CNTN4: variants seen among roughly 807,000 people sequenced by gnomAD.
The protein encoded by CNTN4 is contactin 4.
CNTN4 carries 77 observed loss-of-function variants against 122.5 expected under a neutral mutation model. That is an observed-to-expected ratio of 0.63 (90% CI 0.52 to 0.76). CNTN4 has a LOEUF of 0.76. Among genes scored for constraint, CNTN4 ranks in the 30% least tolerant of loss-of-function variants. CNTN4 has a pLI of 0.00. For missense variants in CNTN4, 1,256 were observed against 1,259.1 expected, an observed-to-expected ratio of 1.00 and a Z score of 0.04; for synonymous variants, 512 against 447.0, an observed-to-expected ratio of 1.15 and a Z score of -1.83.
intron 14 of CNTN4, among the ~76,000 whole-genome samples, chr3:3,005,697 C>T (rs185315018): frequency 4.6e-5 from 7 of 151,372 alleles, no homozygotes; most frequent in East Asian, 3.9e-4. Context: ...GAGAACTAGC[C>T]GGCTTTCTTT....
chr3:2,672,604 G>A (rs1390556232), intron 4 of CNTN4, among the ~76,000 whole-genome samples: 1 of 152,158 alleles, frequency 6.6e-6, no homozygotes, highest in African/African-American at 2.4e-5. Flanking sequence ...CACACTTGGT[G>A]CGCTGCACGT....
intron 13 of CNTN4, among the ~76,000 whole-genome samples, chr3:2,980,758 C>T (rs1176162407): frequency 2.0e-5 from 3 of 152,124 alleles, no homozygotes; most frequent in Admixed American, 6.5e-5. Context: ...ATGGGACTTC[C>T]GGCTTGTGTT....
chr3:2,684,568 T>C (rs1576451419), intron 4 of CNTN4, among the ~76,000 whole-genome samples: 1 of 152,142 alleles, frequency 6.6e-6, no homozygotes, highest in East Asian at 1.9e-4. Context: ...GATCTCGGCA[T>C]AAATCCTGGG....
intron 4 of CNTN4, among the ~76,000 whole-genome samples, chr3:2,723,716 A>G (rs1019056244): frequency 1.3e-5 from 2 of 152,214 alleles, no homozygotes; most frequent in African/African-American, 4.8e-5. Flanking sequence ...GTTTCAACAT[A>G]AATTTTGAAG....
At chr3:2,860,909 A>G (rs1032409453) in intron 7 of CNTN4, among the ~76,000 whole-genome samples, 1 of 152,142 alleles carries the variant, frequency 6.6e-6, no homozygotes, top group African/African-American at 2.4e-5. Context: ...AGTGCTATTT[A>G]ATTCTTGCAG....
chr3:2,127,356 T>C (rs1454119205), intron 2 of CNTN4, among the ~76,000 whole-genome samples: 1 of 152,158 alleles, frequency 6.6e-6, no homozygotes, highest in Non-Finnish European at 1.5e-5. Flanking sequence ...TCCTCCCTTT[T>C]ATTCAATTTT....
At position 2,746,775 on chromosome 3, in the gene CNTN4, C is replaced by T. The variant is rs138429188; in HGVS notation, c.358+1078C>T. 5.0e-3 allele frequency among the ~76,000 whole-genome samples: 754 copies of T among 152,226 alleles called. 8 individuals are homozygous for T. The highest frequency in any genetic ancestry group is 0.017 in the African/African-American group (709 of 41,546). The stretch of plus-strand genomic sequence containing the variant: ...GAATTTTCTAAGTATTATGTATATG[C>T]GAGATTCCAGGATTATTCTGTTAGT... On this transcript the variant is annotated intron_variant, in intron 6 of 24. Transcript: ENST00000418658.
At chr3:2,347,443 G>A (rs920519427) in intron 3 of CNTN4, among the ~76,000 whole-genome samples, 11 of 109,988 alleles carry the variant, frequency 1.0e-4, no homozygotes, top group African/African-American at 3.5e-4. Context: ...ACATAATCTC[G>A]CTGTCGCCCA....
intron 3 of CNTN4, among the ~76,000 whole-genome samples, chr3:2,519,998 T>C (rs1278946083): frequency 6.6e-6 from 1 of 152,044 alleles, no homozygotes; most frequent in Non-Finnish European, 1.5e-5. Context: ...CTACAAGGCT[T>C]TTTTTAAACC....
At chr3:2,109,149 C>G (rs993191943) in intron 2 of CNTN4, among the ~76,000 whole-genome samples, 1 of 152,148 alleles carries the variant, frequency 6.6e-6, no homozygotes, top group African/African-American at 2.4e-5. Context: ...TTAAACCAGA[C>G]TTCACAAATT....
intron 4 of CNTN4, among the ~76,000 whole-genome samples, chr3:2,607,889 A>G (rs556701213): frequency 6.6e-5 from 10 of 152,322 alleles, no homozygotes; most frequent in African/African-American, 2.2e-4. Context: ...TTAAAATATC[A>G]TATAATAAAA....
chr3:2,232,734 C>G (rs1373501964), intron 2 of CNTN4, among the ~76,000 whole-genome samples: 1 of 152,066 alleles, frequency 6.6e-6, no homozygotes, highest in Non-Finnish European at 1.5e-5. Context: ...TAGACGAAAA[C>G]ATTGAGTGAA....
At chr3:2,510,873 A>C (rs1409871200) in intron 3 of CNTN4, among the ~76,000 whole-genome samples, 1 of 152,088 alleles carries the variant, frequency 6.6e-6, no homozygotes, top group Non-Finnish European at 1.5e-5. Context: ...AATGGAATCC[A>C]TATCACCAGT....
chr3:2,217,326 T>G (rs1019805635), intron 2 of CNTN4, among the ~76,000 whole-genome samples: 1 of 152,182 alleles, frequency 6.6e-6, no homozygotes, highest in Non-Finnish European at 1.5e-5. Flanking sequence ...CTTGTCGCCT[T>G]TCTGACCTCG....
chr3:2,893,067 A>C (rs2094062669), intron 10 of CNTN4, among the ~76,000 whole-genome samples: 1 of 152,246 alleles, frequency 6.6e-6, no homozygotes, highest in Admixed American at 6.5e-5. Flanking sequence ...ACAAATGAAA[A>C]CATCTGGATG....
intron 4 of CNTN4, among the ~76,000 whole-genome samples, chr3:2,704,296 CAAAAAAAAAAAAAAAA>C (rs151155380): frequency 2.9e-5 from 2 of 69,512 alleles, no homozygotes; most frequent in African/African-American, 5.7e-5. Context: ...GACTTCATTT[CAAAAAAAAAAAAAAAA>C]AAAAAAAAAG....
chr3:2,176,615 G>A (rs1403651543), intron 2 of CNTN4, among the ~76,000 whole-genome samples: 1 of 152,070 alleles, frequency 6.6e-6, no homozygotes, highest in Admixed American at 6.6e-5. Context: ...GCTAATGATG[G>A]TAATTAGTAT....
intron 2 of CNTN4, among the ~76,000 whole-genome samples, chr3:2,234,831 A>C (rs1487191061): frequency 6.6e-6 from 1 of 152,028 alleles, no homozygotes; most frequent in East Asian, 1.9e-4. Context: ...TTGCCAGAGG[A>C]ACATGTGATT....
At chr3:2,890,073 C>T (rs1455876287) in intron 10 of CNTN4, among the ~76,000 whole-genome samples, 1 of 152,232 alleles carries the variant, frequency 6.6e-6, no homozygotes, top group African/African-American at 2.4e-5. Flanking sequence ...TCAGCCTTAG[C>T]TCACTTGTCA....
Sources: allele counts gnomAD v4.1 joint callset (sites outside exome capture counted in the v4.1 genomes callset), GRCh38; gene constraint gnomAD v4.1.1; transcripts MANE v1.5; gene names NCBI Gene and HGNC (gene_info 2026-07-23, HGNC 2026-07-21).